TRPA1: variants seen among roughly 807,000 people sequenced by gnomAD.
The protein encoded by TRPA1 is transient receptor potential cation channel subfamily A member 1, also known as ankyrin-like with transmembrane domains 1.
A neutral mutation model predicts 131.3 loss-of-function variants in TRPA1; 129 were observed. The observed-to-expected ratio is 0.98, with a 90% CI of 0.85 to 1.14. TRPA1 has a LOEUF of 1.14. Ranked by LOEUF, TRPA1 falls within the 50% of genes most tolerant of loss-of-function variation. TRPA1 has a pLI of 0.00. For synonymous variants in TRPA1, 441 were observed against 451.7 expected, an observed-to-expected ratio of 0.98 and a Z score of 0.30; for missense variants, 1,304 against 1,354.2, an observed-to-expected ratio of 0.96 and a Z score of 0.58.
the TRPA1 span, among the ~76,000 whole-genome samples, chr8:72,088,366 C>CTTT: frequency 7.4e-3 from 599 of 81,120 alleles, 7 homozygotes; most frequent in East Asian, 0.012. Flanking sequence ...TCTTTGAAAA[C>CTTT]TTTTTTTTTT....
At chr8:72,083,539 C>T in the TRPA1 span, among the ~76,000 whole-genome samples, 1 of 151,566 alleles carries the variant, frequency 6.6e-6, no homozygotes, top group African/African-American at 2.4e-5. Flanking sequence ...TCGAGACCAT[C>T]CTGGCTAACA....
Position 72,032,150 on chromosome 8 carries a change from G to A in TRPA1, c.2868+1494C>T, listed in dbSNP as rs1195860131. Reference sequence around the variant, plus strand: ...TTGGGAAAGATCTTGGTAAGATCCAGCTCACAGGGACCTTTGCTTGCTATG... The same window carrying A: ...TTGGGAAAGATCTTGGTAAGATCCAACTCACAGGGACCTTTGCTTGCTATG... On this transcript the variant is annotated intron_variant, in intron 23 of 26. Transcript: ENST00000262209. Among the ~76,000 whole-genome samples, 4 of 152,194 alleles carry A rather than the reference G, an allele frequency of 2.6e-5. No homozygotes were observed. In the East Asian group the frequency reaches 7.7e-4, roughly 29 times the overall value.
chr8:72,071,091 T>C (rs929776537), intron 2 of TRPA1, among the ~76,000 whole-genome samples: 1 of 152,234 alleles, frequency 6.6e-6, no homozygotes, highest in African/African-American at 2.4e-5. Flanking sequence ...AACCTCTCCC[T>C]GTCTCCTTTT....
intron 3 of TRPA1, among the ~76,000 whole-genome samples, chr8:72,067,474 G>A (rs1805959046): frequency 1.3e-5 from 2 of 152,164 alleles, no homozygotes; most frequent in South Asian, 2.1e-4. Flanking sequence ...CTGAGTTTAT[G>A]AATCAGTTGG....
At chr8:72,053,412 A>G (rs143056154) in intron 13 of TRPA1, 27 of 353,920 alleles carry the variant, frequency 7.6e-5, no homozygotes, top group African/African-American at 5.2e-4. Context: ...TCAAATCAAT[A>G]CACTTCAAAA....
intron 17 of TRPA1, among the ~76,000 whole-genome samples, chr8:72,042,056 T>C (rs925475035): frequency 1.3e-5 from 2 of 151,760 alleles, no homozygotes; most frequent in East Asian, 1.9e-4. Flanking sequence ...CAGGACTATA[T>C]AAAGTTAAAA....
chr8:72,073,391 T>C (rs952839167), intron 1 of TRPA1, among the ~76,000 whole-genome samples: 3 of 152,228 alleles, frequency 2.0e-5, no homozygotes, highest in Non-Finnish European at 4.4e-5. Context: ...GTTTTGTTAG[T>C]GTTCCTGAGA....
At chr8:72,053,010 AGAGAGAGAG>A in intron 13 of TRPA1, 13 of 79,084 alleles carry the variant, frequency 1.6e-4, no homozygotes, top group Non-Finnish European at 2.3e-4. Context: ...ATAGAGAAAG[AGAGAGAGAG>A]AGAGAGAGAG....
chr8:72,067,246 C>G (rs577012558), intron 3 of TRPA1, among the ~76,000 whole-genome samples: 1 of 152,038 alleles, frequency 6.6e-6, no homozygotes, highest in Non-Finnish European at 1.5e-5. Flanking sequence ...GGGAGAGGCA[C>G]GTAGAAAAGA....
At chr8:72,087,312 G>A in the TRPA1 span, among the ~76,000 whole-genome samples, 2 of 152,178 alleles carry the variant, frequency 1.3e-5, no homozygotes, top group African/African-American at 4.8e-5. Flanking sequence ...AATTGAATTT[G>A]AGTAAACTCA....
chr8:72,075,668 G>A (rs1020611554), upstream of TRPA1: 2 of 515,510 alleles, frequency 3.9e-6, no homozygotes, highest in Non-Finnish European at 7.1e-6. Flanking sequence ...GAGCTCCTTC[G>A]CAAAGAGGGC....
chr8:72,072,849 G>T (rs1189466344), intron 1 of TRPA1, among the ~76,000 whole-genome samples: 7 of 152,164 alleles, frequency 4.6e-5, no homozygotes, highest in Non-Finnish European at 8.8e-5. Flanking sequence ...GGGAGTACTA[G>T]GTTCAGATGC....
intron 17 of TRPA1, among the ~76,000 whole-genome samples, chr8:72,045,335 A>G (rs993441407): frequency 6.6e-6 from 1 of 151,706 alleles, no homozygotes; most frequent in Non-Finnish European, 1.5e-5. Flanking sequence ...AAATGAACTC[A>G]TTGAAGGTGA....
At chr8:72,028,748 G>C (rs974729065) in intron 24 of TRPA1, among the ~76,000 whole-genome samples, 1 of 152,050 alleles carries the variant, frequency 6.6e-6, no homozygotes, top group Non-Finnish European at 1.5e-5. Flanking sequence ...TGTTTCCTCT[G>C]GGCTCTCATG....
chr8:72,085,254 T>C, the TRPA1 span, among the ~76,000 whole-genome samples: 1 of 152,166 alleles, frequency 6.6e-6, no homozygotes, highest in African/African-American at 2.4e-5. Flanking sequence ...ATTTTTAATA[T>C]AGCATTTTAT....
intron 4 of TRPA1, among the ~76,000 whole-genome samples, chr8:72,065,050 G>A (rs1563402946): frequency 6.6e-6 from 1 of 152,166 alleles, no homozygotes; most frequent in Non-Finnish European, 1.5e-5. Flanking sequence ...GGCCAAATAA[G>A]TCTGCAACTG....
At chr8:72,072,531 A>G (rs1336501969) in intron 1 of TRPA1, among the ~76,000 whole-genome samples, 2 of 152,244 alleles carry the variant, frequency 1.3e-5, no homozygotes, top group Non-Finnish European at 2.9e-5. Context: ...TAAATTCCAT[A>G]TAAGCTACAT....
At position 72,038,061 on chromosome 8, in the gene TRPA1, T is replaced by G. The variant is rs758401140; in HGVS notation, c.2307A>C (p.Leu769=). Residue 769 remains leucine (L), a synonymous_variant, in exon 20 of 27, where the codon CTA becomes CTC. Transcript: ENST00000262209. ...ACACTAAAATCATACAAGTTTTTAT[T>G]AGATATGAATTCTAAAACAAAAAAG... ...SEILDTTNSY[L]IKTCMILVFL... is the part of the protein sequence containing the mutation. The G allele has an allele frequency of 6.6e-7, 1 of 1,526,458 alleles. No homozygotes were observed. The highest frequency in any genetic ancestry group is 9.1e-7 in the Non-Finnish European group (1 of 1,104,104). 94.6% of individuals were successfully genotyped at this position (1,526,458 alleles called of 1,614,324 possible). A position where few individuals can be genotyped will look rare whatever the true frequency, so the allele number is the denominator to read the frequency against.
Position 72,025,965 on chromosome 8 carries a change from A to G in TRPA1, c.3046T>C (p.Leu1016=), listed in dbSNP as rs770136817. The G allele has an allele frequency of 6.2e-7, 1 of 1,612,972 alleles. No homozygotes were observed. Among genetic ancestry groups the G allele is most frequent in the South Asian group, 1.1e-5 (1 of 91,054 alleles). The part of the protein sequence containing the change: ...YPNKPRSGGM[L]FHIFCFLFCT... ...TATTTGTTATGTGTACTTACGAATA[A>G]CATCCCACCAGATCTGGGTTTGTTG... is the stretch of plus-strand genomic sequence containing the variant. The change falls in exon 25 of 27, where the codon TTA becomes CTA. Residue 1016 remains leucine (L), a synonymous_variant. Coordinates refer to ENST00000262209, the MANE Select transcript of TRPA1 (RefSeq NM_007332.3).
Sources: gnomAD v4.1 joint callset for allele counts (sites outside exome capture counted in the v4.1 genomes callset) on GRCh38, gnomAD v4.1.1 for gene constraint, MANE v1.5 for transcripts, NCBI Gene and HGNC (gene_info 2026-07-23, HGNC 2026-07-21) for gene names.